Variants in SESTD1 observed in about 807,000 individuals in gnomAD.
SESTD1 encodes the protein SEC14 and spectrin domain containing 1.
A neutral mutation model predicts 101.7 loss-of-function variants in SESTD1; 43 were observed. The observed-to-expected ratio is 0.42, with a 90% confidence interval of 0.33 to 0.55. The LOEUF (loss-of-function observed/expected upper bound fraction) is 0.55, where lower values mean the gene tolerates loss of function less well. Among genes scored for constraint, SESTD1 ranks in the 20% least tolerant of loss-of-function variants. The pLI is 0.07. For synonymous variants in SESTD1, 283 were observed against 286.8 expected (o/e 0.99, Z 0.13); for missense variants, 647 against 815.1 (o/e 0.79, Z 2.51).
chr2:179,221,479 G>A (rs2046813956), intron 1 of SESTD1, among the ~76,000 whole-genome samples: 1 of 152,044 alleles, frequency 6.6e-6, no homozygotes, highest in Non-Finnish European at 1.5e-5. Flanking sequence ...CAGGCGTGGA[G>A]GTGCATGCCT....
In SESTD1 at chr2:179,243,973, C is replaced by A. The variant is rs1026624375; in HGVS notation, c.-26+20526G>T. ...ATATATATATATATACACACACACA[C>A]ACACACACAAATGAGGTGGTGTACA... On this transcript the variant is annotated intron_variant, in intron 1 of 17. Transcript: ENST00000428443. Among the ~76,000 whole-genome samples the A allele has an allele frequency of 3.3e-5, 5 of 150,552 alleles. No homozygotes were observed. In the East Asian group the frequency reaches 9.7e-4, roughly 29 times the overall value.
chr2:179,219,631 A>C (rs1285901886), intron 1 of SESTD1, among the ~76,000 whole-genome samples: 1 of 152,254 alleles, frequency 6.6e-6, no homozygotes, highest in Non-Finnish European at 1.5e-5. Flanking sequence ...CCACATATTC[A>C]TATATAAAAT....
At chr2:179,190,714 A>T (rs1300669357) in intron 2 of SESTD1, among the ~76,000 whole-genome samples, 1 of 152,226 alleles carries the variant, frequency 6.6e-6, no homozygotes, top group Non-Finnish European at 1.5e-5. Context: ...CCCCATTAAA[A>T]AGTGGGCAAA....
intron 1 of SESTD1, among the ~76,000 whole-genome samples, chr2:179,213,686 C>T (rs1432800745): frequency 7.4e-6 from 1 of 134,590 alleles, no homozygotes; most frequent in Non-Finnish European, 1.6e-5. Flanking sequence ...AACCCAAAGA[C>T]ACATAACTGT....
chr2:179,204,441 T>TA (rs2046565051), intron 1 of SESTD1, among the ~76,000 whole-genome samples: 1 of 134,910 alleles, frequency 7.4e-6, no homozygotes, highest in Non-Finnish European at 1.6e-5. Flanking sequence ...CCATACCTTA[T>TA]AGCTTAACAA....
intron 1 of SESTD1, among the ~76,000 whole-genome samples, chr2:179,233,320 AT>A (rs1286068461): frequency 2.0e-5 from 3 of 152,224 alleles, no homozygotes; most frequent in Non-Finnish European, 4.4e-5. Context: ...AAATAAGTAA[AT>A]ATACTGTGAA....
intron 1 of SESTD1, among the ~76,000 whole-genome samples, chr2:179,199,796 G>C (rs1420276422): frequency 1.3e-5 from 2 of 152,166 alleles, no homozygotes; most frequent in Non-Finnish European, 2.9e-5. Context: ...GGTATTGATG[G>C]GACATATTTC....
intron 17 of SESTD1, among the ~76,000 whole-genome samples, chr2:179,110,561 C>G (rs768524004): frequency 8.6e-5 from 13 of 152,042 alleles, no homozygotes; most frequent in Non-Finnish European, 1.6e-4. Context: ...TCAGGTTAAT[C>G]TCTTTATTTT....
At chr2:179,217,045 G>A (rs1166319856) in intron 1 of SESTD1, among the ~76,000 whole-genome samples, 1 of 151,902 alleles carries the variant, frequency 6.6e-6, no homozygotes. Flanking sequence ...AGAAAACCTA[G>A]GCAATACCAT....
intron 5 of SESTD1, among the ~76,000 whole-genome samples, chr2:179,156,090 T>C (rs1256739956): frequency 6.6e-6 from 1 of 151,892 alleles, no homozygotes; most frequent in African/African-American, 2.4e-5. Context: ...TATGGCTGAG[T>C]AGTATTCCAT....
chr2:179,210,195 T>G (rs1368380226), intron 1 of SESTD1, among the ~76,000 whole-genome samples: 1 of 133,730 alleles, frequency 7.5e-6, no homozygotes, highest in Non-Finnish European at 1.6e-5. Flanking sequence ...AAACAGTAAT[T>G]TAAAAATTCC....
At chr2:179,199,208 A>T (rs970097023) in intron 1 of SESTD1, among the ~76,000 whole-genome samples, 6 of 152,088 alleles carry the variant, frequency 3.9e-5, no homozygotes, top group African/African-American at 7.2e-5. Context: ...AATCTAGAAG[A>T]AATGGATAAA....
chr2:179,169,969 C>A, intron 5 of SESTD1, among the ~76,000 whole-genome samples: 1 of 135,572 alleles, frequency 7.4e-6, no homozygotes, highest in Non-Finnish European at 1.5e-5. Context: ...AGCGAAACTC[C>A]ATCTCAAAAA....
At chr2:179,216,771 G>T (rs1193925930) in intron 1 of SESTD1, among the ~76,000 whole-genome samples, 1 of 134,684 alleles carries the variant, frequency 7.4e-6, no homozygotes, top group Admixed American at 7.2e-5. Context: ...CATGGTACTG[G>T]TACCAAAACA....
In SESTD1 at chr2:179,103,163, TA is replaced by T. The variant is rs1484829323; in HGVS notation, c.*6735del. ...AACCTTTCAAGGAGTGAAATATTGCTAAAGTTTCAGGCATAGGAACCCCTTG... is the reference window on the plus strand; with the variant it reads ...AACCTTTCAAGGAGTGAAATATTGCTAAGTTTCAGGCATAGGAACCCCTTG... On this transcript the variant is annotated 3_prime_UTR_variant, in exon 18 of 18. Coordinates refer to ENST00000428443, the MANE Select transcript of SESTD1 (RefSeq NM_178123.5). 6.6e-6 allele frequency: 1 copy of T among 152,144 alleles called. No individual in the cohort carries two copies. Among genetic ancestry groups the T allele is most frequent in the Non-Finnish European group, 1.5e-5 (1 of 68,010 alleles). The allele number at this position is 152,144 out of a possible 1,614,324, so 9.4% of individuals were successfully genotyped here.
intron 10 of SESTD1, among the ~76,000 whole-genome samples, chr2:179,127,478 C>A (rs17363267): frequency 0.12 from 18,815 of 152,216 alleles, 1,288 homozygotes; most frequent in South Asian, 0.25. Context: ...ACATTAATCA[C>A]TGTAGATTTA....
At chr2:179,174,685 A>G (rs547787787) in intron 4 of SESTD1, among the ~76,000 whole-genome samples, 1 of 152,226 alleles carries the variant, frequency 6.6e-6, no homozygotes, top group South Asian at 2.1e-4. Context: ...TTTCTAACCC[A>G]AAGAGTGATT....
chr2:179,113,586 T>C (rs1260389130), intron 16 of SESTD1, among the ~76,000 whole-genome samples: 1 of 152,228 alleles, frequency 6.6e-6, no homozygotes, highest in Non-Finnish European at 1.5e-5. Context: ...CTAATCATGT[T>C]TACTTCAGCA....
chr2:179,183,342 G>C (rs528009541), intron 2 of SESTD1, among the ~76,000 whole-genome samples, 154 bp from the exon 3 acceptor site: 1 of 152,126 alleles, frequency 6.6e-6, no homozygotes, highest in South Asian at 2.1e-4. Context: ...AAATTTTTAT[G>C]ATAGTATAGA....
Sources: gnomAD v4.1 joint callset for allele counts (sites outside exome capture counted in the v4.1 genomes callset) on GRCh38, gnomAD v4.1.1 for gene constraint, MANE v1.5 for transcripts, NCBI Gene and HGNC (gene_info 2026-07-23, HGNC 2026-07-21) for gene names.